The following VSTM4 variants were observed in gnomAD, a reference collection of about 807,000 sequenced individuals.
VSTM4 encodes V-set and transmembrane domain-containing protein 4.
Under a neutral mutation model 36.4 loss-of-function variants are expected in VSTM4, and 20 were observed. The observed-to-expected ratio is 0.55, with a 90% CI of 0.39 to 0.80. The LOEUF (loss-of-function observed/expected upper bound fraction) is 0.80. Among genes scored for constraint, VSTM4 ranks in the 30% least tolerant of loss-of-function variants. The pLI is 0.00. For missense variants in VSTM4, 392 were observed against 404.5 expected (o/e 0.97, Z 0.26); for synonymous variants, 182 against 173.9 (o/e 1.05, Z -0.37).
intron 4 of VSTM4, among the ~76,000 whole-genome samples, chr10:49,068,880 G>A (rs1039526051): frequency 2.0e-5 from 3 of 152,122 alleles, no homozygotes; most frequent in East Asian, 3.9e-4. Flanking sequence ...AGAAGCAACC[G>A]TCCTGCACAG....
intron 1 of VSTM4, among the ~76,000 whole-genome samples, chr10:49,111,124 C>G (rs1426413697): frequency 6.6e-6 from 1 of 152,220 alleles, no homozygotes; most frequent in Non-Finnish European, 1.5e-5. Flanking sequence ...CTGCCTTAAA[C>G]CCAGCAAAGG....
intron 7 of VSTM4, among the ~76,000 whole-genome samples, chr10:49,029,220 A>G (rs1029578172): frequency 2.6e-5 from 4 of 152,230 alleles, no homozygotes; most frequent in African/African-American, 7.2e-5. Context: ...ACTTGACTTA[A>G]TCTCAAGTAC....
chr10:49,081,385 C>T (rs2131996126), intron 3 of VSTM4, among the ~76,000 whole-genome samples: 1 of 152,342 alleles, frequency 6.6e-6, no homozygotes, highest in South Asian at 2.1e-4. Flanking sequence ...AATTGTCTTA[C>T]AAAAGCTTCC....
chr10:49,115,347 C>G, intron 1 of VSTM4, 84 bp downstream of exon 1: 1 of 917,700 alleles, frequency 1.1e-6, no homozygotes, highest in South Asian at 4.8e-5. Flanking sequence ...CAGGGCCTCC[C>G]CACCAGGCCC....
Position 49,019,616 on chromosome 10 carries a change from G to A in VSTM4, c.*34C>T, listed in dbSNP as rs139167893. On this transcript the variant is annotated 3_prime_UTR_variant, in exon 8 of 8. Coordinates refer to ENST00000332853, the MANE Select transcript of VSTM4 (RefSeq NM_001031746.5). ...AGGCTTCATAAATCACTGGGTGGCA[G>A]GTATTAAATAGAACCTTGGAGGTGG... is the stretch of plus-strand genomic sequence containing the variant. The A allele has an allele frequency of 1.9e-6, 3 of 1,564,788 alleles. No individual in the cohort carries two copies. In the East Asian group the frequency reaches 6.9e-5, roughly 36 times the overall value.
intron 3 of VSTM4, among the ~76,000 whole-genome samples, chr10:49,080,779 G>A (rs964653628): frequency 2.6e-5 from 4 of 152,222 alleles, no homozygotes; most frequent in African/African-American, 9.6e-5. Context: ...GAAGCTACTG[G>A]GAAAGTCTTG....
intron 7 of VSTM4, among the ~76,000 whole-genome samples, chr10:49,025,704 T>C (rs923511976): frequency 6.6e-6 from 1 of 152,180 alleles, no homozygotes; most frequent in African/African-American, 2.4e-5. Flanking sequence ...CACCCAGGTG[T>C]GGCTGCCTCC....
At chr10:49,108,410 A>G (rs936100578) in intron 1 of VSTM4, among the ~76,000 whole-genome samples, 2 of 151,948 alleles carry the variant, frequency 1.3e-5, no homozygotes, top group Non-Finnish European at 2.9e-5. Flanking sequence ...CCCAAGGCCT[A>G]CTTTTATCAG....
At chr10:49,022,123 T>C (rs1404015718) in intron 7 of VSTM4, among the ~76,000 whole-genome samples, 1 of 151,820 alleles carries the variant, frequency 6.6e-6, no homozygotes. Flanking sequence ...ATGCATTTAT[T>C]TTTTTTTATT....
At chr10:49,086,087 T>TA (rs1486885488) in intron 2 of VSTM4, 64 bp from the exon 3 acceptor site, 18 of 1,039,278 alleles carry the variant, frequency 1.7e-5, no homozygotes, top group Non-Finnish European at 4.2e-6. Context: ...ACATGGCACT[T>TA]ACATTTACAA....
chr10:49,068,301 C>CA (rs1334917505), intron 4 of VSTM4, among the ~76,000 whole-genome samples: 8 of 151,990 alleles, frequency 5.3e-5, no homozygotes, highest in Non-Finnish European at 1.0e-4. Flanking sequence ...ATGAGCTGAC[C>CA]GGTGTTTTGA....
At chr10:49,048,805 T>C (rs1843653878) in intron 5 of VSTM4, among the ~76,000 whole-genome samples, 1 of 152,168 alleles carries the variant, frequency 6.6e-6, no homozygotes, top group Non-Finnish European at 1.5e-5. Context: ...AAGGATGAGT[T>C]GAGCCAGTTG....
intron 2 of VSTM4, chr10:49,103,490 C>T: frequency 9.0e-7 from 1 of 1,113,094 alleles, no homozygotes; most frequent in Non-Finnish European, 1.1e-6. Context: ...TCCATGTTTT[C>T]TATAATTGAA....
At chr10:49,103,673 G>C in intron 2 of VSTM4, 1 of 1,583,672 alleles carries the variant, frequency 6.3e-7, no homozygotes. Flanking sequence ...ACAGGGAAAT[G>C]AGGAGAGACC....
chr10:49,102,395 A>G (rs1275950681), intron 2 of VSTM4: 84 of 984,796 alleles, frequency 8.5e-5, no homozygotes, highest in Non-Finnish European at 9.9e-5. Context: ...CGGCCTCCCA[A>G]AGTGCTGGGA....
In VSTM4 at chr10:49,100,660, G is replaced by A. The variant is rs532764104; in HGVS notation, c.457+6934C>T. Among the ~76,000 whole-genome samples, 3 of 151,894 alleles carry A rather than the reference G, an allele frequency of 2.0e-5. No homozygotes were observed. In the South Asian group the frequency reaches 6.2e-4, roughly 32 times the overall value. On this transcript the variant is annotated intron_variant, in intron 2 of 7. Coordinates refer to ENST00000332853, the MANE Select transcript of VSTM4 (RefSeq NM_001031746.5). ...CATTTAAAATCATAAAGATGTCTAA[G>A]ATGAATATGCCCATAACAAAGTAAC... is the stretch of plus-strand genomic sequence containing the variant.
intron 4 of VSTM4, among the ~76,000 whole-genome samples, chr10:49,073,671 G>C (rs917279602): frequency 6.6e-6 from 1 of 152,202 alleles, no homozygotes; most frequent in Admixed American, 6.5e-5. Context: ...GGAACGCTCA[G>C]GGGATGTTCT....
At chr10:49,095,611 G>A (rs1844556035) in intron 2 of VSTM4, among the ~76,000 whole-genome samples, 1 of 152,128 alleles carries the variant, frequency 6.6e-6, no homozygotes, top group Non-Finnish European at 1.5e-5. Context: ...GCACAGCCCA[G>A]GGCTGTCTGC....
intron 7 of VSTM4, among the ~76,000 whole-genome samples, chr10:49,022,047 G>A (rs1235435237): frequency 6.6e-6 from 1 of 152,146 alleles, no homozygotes; most frequent in African/African-American, 2.4e-5. Flanking sequence ...AACAGCTGCA[G>A]GGAGACTCAG....
Sources: allele counts gnomAD v4.1 joint callset (sites outside exome capture counted in the v4.1 genomes callset), GRCh38; gene constraint gnomAD v4.1.1; transcripts MANE v1.5; gene names NCBI Gene and HGNC (gene_info 2026-07-23, HGNC 2026-07-21).